GDPGP1: variants seen among roughly 807,000 people sequenced by gnomAD.
The protein encoded by GDPGP1 is GDP-D-glucose phosphorylase 1, also known as GDP-D-glucose phosphorylase C15orf58.
Under a neutral mutation model 19.2 loss-of-function variants are expected in GDPGP1, and 18 were observed. The ratio of observed to expected loss-of-function variants is 0.94; its 90% CI spans 0.65 to 1.39. The LOEUF is 1.39. Ranked by LOEUF, GDPGP1 falls within the 40% of genes most tolerant of loss-of-function variation. The pLI, the probability that GDPGP1 is intolerant of heterozygous loss-of-function variation, is 0.00. For synonymous variants in GDPGP1, 219 were observed against 208.9 expected, an observed-to-expected ratio of 1.05 and a Z score of -0.42; for missense variants, 449 against 490.5, an observed-to-expected ratio of 0.92 and a Z score of 0.80.
Position 90,241,073 on chromosome 15 carries a change from A to T in GDPGP1, c.165A>T (p.Pro55=). Reference sequence around the variant, plus strand: ...CACCTGGCATCCCAGATGCTCTGCCACAATCTCCCTTTGATGCTGCACTCT... The same window carrying T: ...CACCTGGCATCCCAGATGCTCTGCCTCAATCTCCCTTTGATGCTGCACTCT... The part of the protein sequence containing the change: ...RNAPGIPDAL[P]QSPFDAALCS... The change falls in exon 4 of 4, where the codon CCA becomes CCT. Residue 55 remains proline, a synonymous_variant. Coordinates refer to ENST00000329600, the MANE Select transcript of GDPGP1 (RefSeq NM_001013657.3). 6.2e-7 allele frequency: 1 copy of T among 1,614,178 alleles called. No homozygotes were observed. Among genetic ancestry groups the T allele is most frequent in the South Asian group, 1.1e-5 (1 of 91,084 alleles).
At position 90,244,842 on chromosome 15, in the gene GDPGP1, T is replaced by C. The variant is rs1214223365; in HGVS notation, c.*2776T>C. On this transcript the variant is annotated 3_prime_UTR_variant, in exon 4 of 4. Coordinates refer to ENST00000329600, the MANE Select transcript of GDPGP1 (RefSeq NM_001013657.3). ...TCAAAATAAATAAATACATAAAGTC[T>C]TGGGTCCAGCTCTCAACAGAGATTA... 1 of 152,084 alleles carries C rather than the reference T, an allele frequency of 6.6e-6. No individual in the cohort carries two copies. Among genetic ancestry groups the C allele is most frequent in the African/African-American group, 2.4e-5 (1 of 41,410 alleles). The allele number at this position is 152,084 out of a possible 1,614,324, so 9.4% of individuals were successfully genotyped here.
intron 2 of GDPGP1, among the ~76,000 whole-genome samples, chr15:90,235,725 A>G (rs145585473): frequency 0.024 from 3,703 of 151,334 alleles, 144 homozygotes; most frequent in African/African-American, 0.081. Flanking sequence ...CCGCCACCAC[A>G]CCCGGCTAAT....
intron 2 of GDPGP1, among the ~76,000 whole-genome samples, chr15:90,235,099 C>G (rs7342638): frequency 0.16 from 24,245 of 152,154 alleles, 2,090 homozygotes; most frequent in African/African-American, 0.21. Flanking sequence ...GGCTCTCTGT[C>G]TTTCAGCCAC....
At chr15:90,238,068 C>T (rs569659461) in intron 2 of GDPGP1, among the ~76,000 whole-genome samples, 7 of 152,220 alleles carry the variant, frequency 4.6e-5, no homozygotes, top group South Asian at 2.1e-4. Context: ...GGGAGGCCAA[C>T]GCAGGTGGAT....
Position 90,243,640 on chromosome 15 carries a change from GTTTTTTTTTTTTTTTTT to G in GDPGP1, c.*1588_*1604del, listed in dbSNP as rs3029932. ...AAGATGCCACCACACCTTGGTGCAG[GTTTTTTTTTTTTTTTTT>G]TTTTTTTTTTTTTGACACAGGGTCA... On this transcript the variant is annotated 3_prime_UTR_variant, in exon 4 of 4. Coordinates refer to ENST00000329600, the MANE Select transcript of GDPGP1 (RefSeq NM_001013657.3). 28,729 of 101,278 alleles carry G rather than the reference GTTTTTTTTTTTTTTTTT, an allele frequency of 0.28. 3,837 individuals are homozygous for G. The highest frequency in any genetic ancestry group is 0.47 in the South Asian group (1,428 of 3,032). The allele number at this position is 101,278 out of a possible 1,614,324, so 6.3% of individuals were successfully genotyped here. A position where few individuals can be genotyped will look rare whatever the true frequency, so the allele number is the denominator to read the frequency against.
Position 90,241,868 on chromosome 15 carries a change from TG to T in GDPGP1, c.963del (p.Ile322Ter). The T allele has an allele frequency of 1.9e-6, 3 of 1,614,176 alleles. No individual in the cohort carries two copies. The highest frequency in any genetic ancestry group is 2.5e-6 in the Non-Finnish European group (3 of 1,180,028). ...VILWARKSSF[G>X]IKDGEAFNVA... Reference sequence around the variant, plus strand: ...TTCTGTGGGCCCGGAAGTCCAGCTTTGGGATAAAGGACGGTGAAGCTTTCAA... The same window carrying T: ...TTCTGTGGGCCCGGAAGTCCAGCTTTGGATAAAGGACGGTGAAGCTTTCAA... On this transcript the variant is annotated frameshift_variant, in exon 4 of 4. Transcript: ENST00000329600. LOFTEE classifies it high-confidence loss of function.
intron 2 of GDPGP1, among the ~76,000 whole-genome samples, chr15:90,237,977 A>G (rs1317445500): frequency 6.6e-6 from 1 of 152,138 alleles, no homozygotes; most frequent in Non-Finnish European, 1.5e-5. Context: ...TTTACCTTGC[A>G]GCTCCAGCTC....
At position 90,241,117 on chromosome 15, in the gene GDPGP1, G is replaced by A. The variant is rs778156014; in HGVS notation, c.209G>A (p.Arg70Gln). Residue 70 changes from arginine (R) to glutamine (Q), a missense_variant, in exon 4 of 4, where the codon CGG becomes CAG. Coordinates refer to ENST00000329600, the MANE Select transcript of GDPGP1 (RefSeq NM_001013657.3). ...DAALCSAWKQ[R>Q]VELGLFRYRL... Reference sequence around the variant, plus strand: ...GCACTCTGCTCTGCCTGGAAGCAGCGGGTGGAGCTGGGGCTGTTTCGCTAC... The same window carrying A: ...GCACTCTGCTCTGCCTGGAAGCAGCAGGTGGAGCTGGGGCTGTTTCGCTAC... 72 of 1,614,022 alleles carry A rather than the reference G, an allele frequency of 4.5e-5. No homozygotes were observed. Among genetic ancestry groups the A allele is most frequent in the Admixed American group, 2.2e-4 (13 of 59,994 alleles).
At position 90,242,431 on chromosome 15, in the gene GDPGP1, CTTTTTTTTTTTTT is replaced by C. The variant is rs71151576; in HGVS notation, c.*384_*396del. The C allele has an allele frequency of 0.3, 20,003 of 66,094 alleles. 2,337 individuals are homozygous for C. Among genetic ancestry groups the C allele is most frequent in the South Asian group, 0.46 (967 of 2,098 alleles). 4.1% of individuals were successfully genotyped at this position (66,094 alleles called of 1,614,324 possible). ...TGAGCCCCTGGATTCTTTTCTGTTT[CTTTTTTTTTTTTT>C]TTTTTTTTTTTTTTTTTTGAGATAG... On this transcript the variant is annotated 3_prime_UTR_variant, in exon 4 of 4. Coordinates refer to ENST00000329600, the MANE Select transcript of GDPGP1 (RefSeq NM_001013657.3).
rs984580035 is a variant in GDPGP1, at chr15:90,242,626, T to G, written c.*560T>G. The stretch of plus-strand genomic sequence containing the variant: ...AACCCGGCTAATTTTTTTGTATTTT[T>G]AAAAGAGAAGGGGTTTCACCACATT... On this transcript the variant is annotated 3_prime_UTR_variant, in exon 4 of 4. Coordinates refer to ENST00000329600, the MANE Select transcript of GDPGP1 (RefSeq NM_001013657.3). 3 of 151,668 alleles carry G rather than the reference T, an allele frequency of 2.0e-5. No individual in the cohort carries two copies. The highest frequency in any genetic ancestry group is 7.3e-5 in the African/African-American group (3 of 41,192). 9.4% of individuals were successfully genotyped at this position (151,668 alleles called of 1,614,324 possible).
chr15:90,239,081 A>G (rs972828591), intron 3 of GDPGP1, among the ~76,000 whole-genome samples: 4 of 152,208 alleles, frequency 2.6e-5, no homozygotes, highest in Non-Finnish European at 5.9e-5. Flanking sequence ...CACATTGTGT[A>G]TAATAGAATG....
chr15:90,239,112 A>G lies in GDPGP1; in HGVS notation c.-10+564A>G, dbSNP rs148635709. 1.9e-3 allele frequency among the ~76,000 whole-genome samples: 284 copies of G among 152,328 alleles called. 1 individual carries two copies. Among genetic ancestry groups the G allele is most frequent in the African/African-American group, 6.5e-3 (269 of 41,578 alleles). The stretch of plus-strand genomic sequence containing the variant: ...GAATGAAACTAGCTACAACCTATAT[A>G]AACAGTTGAAGATTGGTTAAAAAGT... On this transcript the variant is annotated intron_variant, in intron 3 of 3. Coordinates refer to ENST00000329600, the MANE Select transcript of GDPGP1 (RefSeq NM_001013657.3).
intron 3 of GDPGP1, among the ~76,000 whole-genome samples, chr15:90,239,057 A>G (rs1462142306): frequency 1.3e-5 from 2 of 152,220 alleles, no homozygotes; most frequent in Non-Finnish European, 2.9e-5. Context: ...GTGAGTGTAT[A>G]GGATGTTCAT....
intron 3 of GDPGP1, 43 bp from the exon 4 acceptor site, chr15:90,240,857 G>A (rs1390099180): frequency 8.5e-7 from 1 of 1,180,134 alleles, no homozygotes; most frequent in Non-Finnish European, 1.2e-6. Flanking sequence ...ATCTCTGGAG[G>A]TGGGTTACCA....
intron 2 of GDPGP1, among the ~76,000 whole-genome samples, chr15:90,235,288 A>T (rs1454172986): frequency 6.6e-6 from 1 of 152,206 alleles, no homozygotes; most frequent in Non-Finnish European, 1.5e-5. Context: ...ATTCAAGGCC[A>T]GGCGCGGTGG....
chr15:90,237,795 G>C (rs1044774413), intron 2 of GDPGP1, among the ~76,000 whole-genome samples: 1 of 151,630 alleles, frequency 6.6e-6, no homozygotes, highest in Non-Finnish European at 1.5e-5. Flanking sequence ...ATTAGAATAA[G>C]ATACTACATT....
Position 90,241,323 on chromosome 15 carries a change from C to G in GDPGP1, c.415C>G (p.His139Asp). ...IRPGEVLFRL[H>D]REPDLPGTLL... ...GCCCGGAGAAGTCCTCTTCCGTTTGCACCGGGAGCCTGATCTCCCTGGGAC... is the reference window on the plus strand; with the variant it reads ...GCCCGGAGAAGTCCTCTTCCGTTTGGACCGGGAGCCTGATCTCCCTGGGAC... Residue 139 changes from histidine to aspartate, a missense_variant, in exon 4 of 4, where the codon CAC becomes GAC. Coordinates refer to ENST00000329600, the MANE Select transcript of GDPGP1 (RefSeq NM_001013657.3). 1 of 1,614,220 alleles carries G rather than the reference C, an allele frequency of 6.2e-7. No individual in the cohort carries two copies. The highest frequency in any genetic ancestry group is 8.5e-7 in the Non-Finnish European group (1 of 1,180,048).
rs867632359 is a variant in GDPGP1, at chr15:90,234,243, C to T, written c.-191C>T. ...ACGGGCGTCATGACCTCGCTGTGGC[C>T]CCGGCAGCGGCTGCGGGGAAAGTCG... On this transcript the variant is annotated 5_prime_UTR_variant, in exon 1 of 4. Transcript: ENST00000329600. 2.6e-5 allele frequency: 6 copies of T among 233,634 alleles called. No homozygotes were observed. In the Middle Eastern group the frequency reaches 3.9e-3, roughly 153 times the overall value. 14.5% of individuals were successfully genotyped at this position (233,634 alleles called of 1,614,324 possible).
At position 90,241,592 on chromosome 15, in the gene GDPGP1, GC is replaced by G. The variant is rs1567073108; in HGVS notation, c.687del (p.Val230TrpfsTer40). On this transcript the variant is annotated frameshift_variant, in exon 4 of 4. Coordinates refer to ENST00000329600, the MANE Select transcript of GDPGP1 (RefSeq NM_001013657.3). LOFTEE classifies it high-confidence loss of function. Reference protein sequence around the residue: ...LHGYYLAHRLPVEQAPSEPLD... With the variant: ...LHGYYLAHRLXVEQAPSEPLD... ...ATGGCTATTACCTGGCCCACAGACTGCCCGTGGAGCAGGCGCCAAGCGAGCC... is the reference window on the plus strand; with the variant it reads ...ATGGCTATTACCTGGCCCACAGACTGCCGTGGAGCAGGCGCCAAGCGAGCC... The G allele has an allele frequency of 6.2e-7, 1 of 1,613,590 alleles. No individual in the cohort carries two copies. The highest frequency in any genetic ancestry group is 1.7e-5 in the Admixed American group (1 of 60,032).
Sources: gnomAD v4.1 joint callset for allele counts (sites outside exome capture counted in the v4.1 genomes callset) on GRCh38, gnomAD v4.1.1 for gene constraint, MANE v1.5 for transcripts, NCBI Gene and HGNC (gene_info 2026-07-23, HGNC 2026-07-21) for gene names.